SCARF2: variants seen among roughly 807,000 people sequenced by gnomAD.
SCARF2 encodes the protein scavenger receptor class F member 2.
A neutral mutation model predicts 73.4 loss-of-function variants in SCARF2; 39 were observed. That is an observed-to-expected ratio of 0.53 (90% CI 0.41 to 0.69). The LOEUF (loss-of-function observed/expected upper bound fraction) is 0.69. Among genes scored for constraint, SCARF2 ranks in the 30% least tolerant of loss-of-function variants. The probability of loss-of-function intolerance (pLI) is 0.00; values close to 1 mark genes in which losing one functional copy is unlikely to be tolerated. For synonymous variants in SCARF2, 605 were observed against 590.0 expected (o/e 1.03, Z -0.37); for missense variants, 1,148 against 1,303.5 (o/e 0.88, Z 1.84).
At chr22:20,426,863 G>T (rs545901818) in intron 10 of SCARF2, among the ~76,000 whole-genome samples, 1 of 152,042 alleles carries the variant, frequency 6.6e-6, no homozygotes, top group African/African-American at 2.4e-5. Flanking sequence ...GGAGGCAGAG[G>T]TTGCAGTGAC....
intron 9 of SCARF2, among the ~76,000 whole-genome samples, chr22:20,427,979 C>A (rs1432759774): frequency 2.0e-5 from 3 of 152,168 alleles, no homozygotes; most frequent in Non-Finnish European, 2.9e-5. Context: ...GCAGGGCTGC[C>A]CTTTGGCTCA....
At chr22:20,436,846 C>G (rs1447290823) in intron 1 of SCARF2, among the ~76,000 whole-genome samples, 28 of 152,198 alleles carry the variant, frequency 1.8e-4, no homozygotes, top group Admixed American at 1.8e-3. Context: ...CGTGCAAACT[C>G]CCGGACTCGC....
chr22:20,429,190 T>A lies in SCARF2; in HGVS notation c.1540+35A>T. 6.2e-7 allele frequency: 1 copy of A among 1,613,382 alleles called. No homozygotes were observed. Among genetic ancestry groups the A allele is most frequent in the South Asian group, 1.1e-5 (1 of 91,026 alleles). On this transcript the variant is annotated intron_variant, in intron 9 of 10. Coordinates refer to ENST00000622235, the MANE Select transcript of SCARF2 (RefSeq NM_182895.5). This position sits in a 1 kb window ranked among gnomAD's most constrained non-coding sequence, Gnocchi z 5.2. ...CCCAGCAGCTTCCTGCGTCGAGAGGTGTTTCTCCCAGATACCCCGCGCTGT... is the reference window on the plus strand; with the variant it reads ...CCCAGCAGCTTCCTGCGTCGAGAGGAGTTTCTCCCAGATACCCCGCGCTGT...
In SCARF2 at chr22:20,425,046, C is replaced by G. The variant is rs2146117381; in HGVS notation, c.*329G>C. The G allele has an allele frequency of 3.4e-6, 1 of 293,956 alleles. No individual in the cohort carries two copies. Among genetic ancestry groups the G allele is most frequent in the African/African-American group, 2.2e-5 (1 of 46,266 alleles). The allele number at this position is 293,956 out of a possible 1,614,324, so 18.2% of individuals were successfully genotyped here. On this transcript the variant is annotated 3_prime_UTR_variant, in exon 11 of 11. Coordinates refer to ENST00000622235, the MANE Select transcript of SCARF2 (RefSeq NM_182895.5). This position sits in a 1 kb window ranked among gnomAD's most constrained non-coding sequence, Gnocchi z 4.6. ...TAGCCCTAACCAAGTCCACTCCTGG[C>G]CAGTAAGAGGCGGTCTTTAAGCGGA... is the stretch of plus-strand genomic sequence containing the variant.
chr22:20,427,918 C>T (rs995568048), intron 9 of SCARF2, among the ~76,000 whole-genome samples: 2 of 152,224 alleles, frequency 1.3e-5, no homozygotes, highest in African/African-American at 4.8e-5. Context: ...TAGGCCCTGC[C>T]TTGTGCGAAT....
Position 20,425,877 on chromosome 22 carries a change from G to A in SCARF2, c.2099C>T (p.Thr700Met). The A allele has an allele frequency of 6.3e-7, 1 of 1,597,250 alleles. No homozygotes were observed. Among genetic ancestry groups the A allele is most frequent in the Admixed American group, 1.7e-5 (1 of 59,124 alleles). Residue 700 changes from threonine (T) to methionine (M), a missense_variant, in exon 11 of 11, where the codon ACG becomes ATG. Around this residue, in one of 5 missense-constraint regions of SCARF2, gnomAD observed 437 missense variants for 433.6 expected, o/e 1.01. Coordinates refer to ENST00000622235, the MANE Select transcript of SCARF2 (RefSeq NM_182895.5). This position sits in a 1 kb window ranked among gnomAD's most constrained non-coding sequence, Gnocchi z 4.6. ...AAPSPSKRKR[T>M]PSDKSAHTVE... ...CGTATGCGCCGATTTGTCGCTGGGC[G>A]TCCGTTTCCTCTTGCTGGGGCTGGG...
rs1451246663 is a variant in SCARF2 at position 20,431,819 on chromosome 22, G to A, written c.260C>T (p.Ser87Leu). 6.3e-7 allele frequency: 1 copy of A among 1,598,772 alleles called. No homozygotes were observed. Among genetic ancestry groups the A allele is most frequent in the African/African-American group, 1.3e-5 (1 of 74,824 alleles). The change falls in exon 3 of 11, where the codon TCA (serine) becomes TTA (leucine). Residue 87 changes from serine to leucine, a missense_variant. This residue lies in a region of SCARF2 where 372 missense variants were observed against 532.0 expected (regional missense o/e 0.70). Transcript: ENST00000622235. ...AGGCCTCACGCACACCTCGTTCTCT[G>A]AGCACGTGGAGTTGCCTTCGCACAC... ...IAVCEGNSTC[S>L]ENEVCVRPGE...
chr22:20,431,974 G>C lies in SCARF2; in HGVS notation c.188C>G (p.Thr63Arg). Reference sequence around the variant, plus strand: ...TTGCTGCCTCCAGCCAGCGCAGCACGTGGGCACCTGGGAGCTGCGAGCAGA... The same window carrying C: ...TTGCTGCCTCCAGCCAGCGCAGCACCTGGGCACCTGGGAGCTGCGAGCAGA... ...VCRAPGSQVP[T>R]CCAGWRQQGD... Residue 63 changes from threonine (T) to arginine (R), a missense_variant, in exon 2 of 11, where the codon ACG becomes AGG. By Grantham distance (71) the Thr-to-Arg change is moderately conservative. Around this residue, in one of 5 missense-constraint regions of SCARF2, gnomAD observed 124 missense variants for 120.4 expected, o/e 1.03. Coordinates refer to ENST00000622235, the MANE Select transcript of SCARF2 (RefSeq NM_182895.5). The C allele has an allele frequency of 6.3e-7, 1 of 1,579,554 alleles. No homozygotes were observed. Among genetic ancestry groups the C allele is most frequent in the Admixed American group, 1.7e-5 (1 of 57,848 alleles).
chr22:20,427,295 T>C, intron 10 of SCARF2, 103 bp downstream of exon 10: 1 of 1,432,524 alleles, frequency 7.0e-7, no homozygotes, highest in Non-Finnish European at 9.7e-7. Context: ...AAGGCCTTCC[T>C]CTCCATGCTG....
chr22:20,426,066 C>A lies in SCARF2; in HGVS notation c.1910G>T (p.Arg637Leu). The A allele has an allele frequency of 1.3e-6, 2 of 1,552,842 alleles. No individual in the cohort carries two copies. Among genetic ancestry groups the A allele is most frequent in the East Asian group, 2.5e-5 (1 of 40,684 alleles). Residue 637 changes from arginine (R) to leucine (L), a missense_variant, in exon 11 of 11, where the codon CGG becomes CTG. Transcript: ENST00000622235. ...CAGCGACAGGCCCCCAATCTCGCCC[C>A]GGGCCCGGGCCGGCCGGGCCTCGCG... ...ARREARPARA[R>L]GEIGGLSLSP... is the part of the protein sequence containing the mutation.
Position 20,424,894 on chromosome 22 carries a change from C to G in SCARF2, c.*481G>C, listed in dbSNP as rs2052554220. On this transcript the variant is annotated 3_prime_UTR_variant, in exon 11 of 11. Transcript: ENST00000622235. ...GTCAACCAGATGCCCGGGAGCCTGG[C>G]CAGTGGAAGTAGCCCCGGGCTCTAT... 1 of 153,586 alleles carries G rather than the reference C, an allele frequency of 6.5e-6. No homozygotes were observed. The highest frequency in any genetic ancestry group is 2.4e-5 in the African/African-American group (1 of 41,518). 9.5% of individuals were successfully genotyped at this position (153,586 alleles called of 1,614,324 possible).
In SCARF2 at chr22:20,429,482, A is replaced by T; in HGVS notation, c.1424+54T>A. 6.2e-7 allele frequency: 1 copy of T among 1,602,254 alleles called. No homozygotes were observed. On this transcript the variant is annotated intron_variant, in intron 8 of 10. Coordinates refer to ENST00000622235, the MANE Select transcript of SCARF2 (RefSeq NM_182895.5). The surrounding 1 kb of genome is among the most constrained non-coding windows in gnomAD (Gnocchi z 5.2). ...AAGGGTTGGATCTGGGTCCGGTGGC[A>T]CCCAGAGGGTGCGGCCTGAACCCAG...
Position 20,429,938 on chromosome 22 carries a change from C to G in SCARF2, c.1203-105G>C, listed in dbSNP as rs2052623848. On this transcript the variant is annotated intron_variant, in intron 6 of 10. Transcript: ENST00000622235. The surrounding 1 kb of genome is among the most constrained non-coding windows in gnomAD (Gnocchi z 5.2). ...GGCCCAGGGTCCAGGGTCCCAGAAC[C>G]GGGCTCTCTCTCGCTGCATTCGTCG... is the stretch of plus-strand genomic sequence containing the variant. 10 of 1,111,738 alleles carry G rather than the reference C, an allele frequency of 9.0e-6. No individual in the cohort carries two copies. The South Asian group carries it at 1.4e-4, about 15-fold the overall frequency. 68.9% of individuals were successfully genotyped at this position (1,111,738 alleles called of 1,614,324 possible).
At position 20,426,223 on chromosome 22, in the gene SCARF2, G is replaced by T; in HGVS notation, c.1753C>A (p.Pro585Thr). The T allele has an allele frequency of 4.6e-6, 7 of 1,534,002 alleles. No individual in the cohort carries two copies. Among genetic ancestry groups the T allele is most frequent in the Non-Finnish European group, 6.1e-6 (7 of 1,146,222 alleles). The change falls in exon 11 of 11, where the codon CCG becomes ACG. Residue 585 changes from proline to threonine, a missense_variant. Pro to Thr is a conservative substitution (Grantham distance 38, BLOSUM62 -1). Transcript: ENST00000622235. ...VPTVPAEAPA[P>T]SPVPLTTPAS... ...GGCGTGGTCAAGGGCACAGGGGACG[G>T]CGCCGGCGCCTCGGCAGGGACAGTG...
intron 6 of SCARF2, among the ~76,000 whole-genome samples, chr22:20,430,104 G>A (rs2052625668): frequency 6.6e-6 from 1 of 152,222 alleles, no homozygotes; most frequent in African/African-American, 2.4e-5. Flanking sequence ...TGCTGGGGCT[G>A]ACTCGGCTAG....
rs1421018530 is a variant in SCARF2, at chr22:20,425,729, G to T, written c.2247C>A (p.Gly749=). 3.3e-5 allele frequency: 41 copies of T among 1,231,896 alleles called. No individual in the cohort carries two copies. In the African/African-American group the frequency reaches 6.1e-4, roughly 18 times the overall value. The allele number at this position is 1,231,896 out of a possible 1,614,324, so 76.3% of individuals were successfully genotyped here. The part of the protein sequence containing the change: ...PRARARGRGP[G]LLEPTDAGGP... ...CGCCGGCGTCCGTGGGCTCCAAGAG[G>T]CCGGGGCCGCGGCCCCGCGCTCGGG... Residue 749 remains glycine, a synonymous_variant, in exon 11 of 11, where the codon GGC becomes GGA. Coordinates refer to ENST00000622235, the MANE Select transcript of SCARF2 (RefSeq NM_182895.5). The surrounding 1 kb of genome is among the most constrained non-coding windows in gnomAD (Gnocchi z 4.6).
In SCARF2 at chr22:20,430,764, T is replaced by A; in HGVS notation, c.999A>T (p.Pro333=). 6.2e-7 allele frequency: 1 copy of A among 1,607,842 alleles called. No individual in the cohort carries two copies. Among genetic ancestry groups the A allele is most frequent in the Middle Eastern group, 1.7e-4 (1 of 6,050 alleles). Residue 333 remains proline (P), a synonymous_variant, in exon 5 of 11, where the codon CCA becomes CCT. Coordinates refer to ENST00000622235, the MANE Select transcript of SCARF2 (RefSeq NM_182895.5). ...YGEGCSHRCP[P]CRDGHACNHV... is the part of the protein sequence containing the mutation. Reference sequence around the variant, plus strand: ...GGTTACAGGCATGCCCGTCGCGGCATGGCGGACAGCGGTGGCTGCAGCCCT... The same window carrying A: ...GGTTACAGGCATGCCCGTCGCGGCAAGGCGGACAGCGGTGGCTGCAGCCCT...
In SCARF2 at chr22:20,426,164, C is replaced by T. The variant is rs780806748; in HGVS notation, c.1812G>A (p.Ala604=). Residue 604 remains alanine (A), a synonymous_variant, in exon 11 of 11, where the codon GCG becomes GCA. Transcript: ENST00000622235. ...ASAEEAIPLP[A]SSDSERSASS... is the part of the protein sequence containing the mutation. ...ACGCCGACCGCTCGCTGTCGGAGGA[C>T]GCGGGGAGGGGTATCGCCTCCTCGG... 7 of 1,486,792 alleles carry T rather than the reference C, an allele frequency of 4.7e-6. No individual in the cohort carries two copies. The South Asian group carries it at 9.0e-5, about 19-fold the overall frequency. 92.1% of individuals were successfully genotyped at this position (1,486,792 alleles called of 1,614,324 possible).
At position 20,435,430 on chromosome 22, in the gene SCARF2, G is replaced by T. The variant is rs2146138515; in HGVS notation, c.173+2152C>A. 2.0e-5 allele frequency among the ~76,000 whole-genome samples: 3 copies of T among 152,258 alleles called. No individual in the cohort carries two copies. In the Middle Eastern group the frequency reaches 0.01, roughly 518 times the overall value. ...TGTTTGCCACCTGGCAGCCAATCCT[G>T]GTCAGATCCCACCCTTTCTCTGTAC... is the stretch of plus-strand genomic sequence containing the variant. On this transcript the variant is annotated intron_variant, in intron 1 of 10. Transcript: ENST00000622235.
Sources: gnomAD v4.1 joint callset for allele counts (sites outside exome capture counted in the v4.1 genomes callset) on GRCh38, gnomAD v4.1.1 for gene constraint, gnomAD v4.1.1 regional missense constraint, Gnocchi (gnomAD v3.1) non-coding constraint, MANE v1.5 for transcripts, NCBI Gene and HGNC (gene_info 2026-07-23, HGNC 2026-07-21) for gene names.